Variants in ST6GALNAC1 observed in about 807,000 individuals in gnomAD.
ST6GALNAC1 encodes ST6 N-acetylgalactosaminide alpha-2,6-sialyltransferase 1.
Under a neutral mutation model 56.8 loss-of-function variants are expected in ST6GALNAC1, and 45 were observed. The ratio of observed to expected loss-of-function variants is 0.79; its 90% CI spans 0.62 to 1.02. The LOEUF (loss-of-function observed/expected upper bound fraction) is 1.02, where lower values mean the gene tolerates loss of function less well. ST6GALNAC1 is among the 50% of genes least tolerant of loss of function. ST6GALNAC1 has a pLI of 0.00. For missense variants in ST6GALNAC1, 743 were observed against 754.8 expected (o/e 0.98, Z 0.18); for synonymous variants, 295 against 297.8 (o/e 0.99, Z 0.10).
intron 1 of ST6GALNAC1, among the ~76,000 whole-genome samples, chr17:76,633,377 G>A (rs1191804317): frequency 6.6e-6 from 1 of 152,136 alleles, no homozygotes; most frequent in Non-Finnish European, 1.5e-5. Flanking sequence ...GGGCATGGTG[G>A]CACATGCCTG....
At chr17:76,634,808 C>T (rs922271407) in intron 1 of ST6GALNAC1, among the ~76,000 whole-genome samples, 5 of 151,946 alleles carry the variant, frequency 3.3e-5, no homozygotes, top group Non-Finnish European at 7.4e-5. Flanking sequence ...CGCTTGAACT[C>T]GGGAGGCAGA....
chr17:76,632,017 G>A (rs2075908899), intron 1 of ST6GALNAC1, among the ~76,000 whole-genome samples: 1 of 152,046 alleles, frequency 6.6e-6, no homozygotes, highest in South Asian at 2.1e-4. Flanking sequence ...TGTGTGTGAG[G>A]CTCACCACTC....
At position 76,627,263 on chromosome 17, in the gene ST6GALNAC1, A is replaced by C; in HGVS notation, c.1001-25T>G. The C allele has an allele frequency of 1.3e-6, 2 of 1,552,336 alleles. No homozygotes were observed. The highest frequency in any genetic ancestry group is 2.5e-5 in the South Asian group (2 of 81,006). ...ACTGGAACAAGAGTGGGGGTGCTCC[A>C]TTCAGAGCCCTGGGAGGGACAGGAG... On this transcript the variant is annotated intron_variant, in intron 3 of 8. Transcript: ENST00000156626. This position sits in a 1 kb window ranked among gnomAD's most constrained non-coding sequence, Gnocchi z 4.4.
chr17:76,626,545 C>A, intron 5 of ST6GALNAC1, 106 bp downstream of exon 5: 4 of 1,542,490 alleles, frequency 2.6e-6, no homozygotes, highest in Middle Eastern at 2.3e-4. Context: ...GGAGCCTGTA[C>A]CAACCACAGA....
downstream of ST6GALNAC1, among the ~76,000 whole-genome samples, chr17:76,623,723 T>C (rs2075762051): frequency 6.6e-6 from 1 of 152,250 alleles, no homozygotes; most frequent in Non-Finnish European, 1.5e-5. Context: ...CCAATCCTTA[T>C]GCCTCTAATT....
chr17:76,630,448 T>G (rs2075875492), intron 1 of ST6GALNAC1, among the ~76,000 whole-genome samples: 1 of 152,144 alleles, frequency 6.6e-6, no homozygotes, highest in Non-Finnish European at 1.5e-5. Context: ...AACACATTTA[T>G]TCAGGGTCTC....
Position 76,627,483 on chromosome 17 carries a change from T to C in ST6GALNAC1, c.932A>G (p.Asn311Ser). ...LTLFLDSRHFNQSEWDRLEHF... is the reference protein window; with the variant it reads ...LTLFLDSRHFSQSEWDRLEHF... ...TTCCAGGCGGTCCCACTCACTCTGG[T>C]TGAAGTGTCTGGAGTCCAGGAAGAG... is the stretch of plus-strand genomic sequence containing the variant. Residue 311 changes from asparagine to serine, a missense_variant, in exon 3 of 9, where the codon AAC (asparagine) becomes AGC (serine). Physicochemically the swap from Asn to Ser is conservative, Grantham distance 46 (BLOSUM62 1). Coordinates refer to ENST00000156626, the MANE Select transcript of ST6GALNAC1 (RefSeq NM_018414.5). The surrounding 1 kb of genome is among the most constrained non-coding windows in gnomAD (Gnocchi z 4.4). 3.1e-6 allele frequency: 5 copies of C among 1,614,110 alleles called. No individual in the cohort carries two copies. The highest frequency in any genetic ancestry group is 4.2e-6 in the Non-Finnish European group (5 of 1,180,010).
chr17:76,619,584 A>G, the ST6GALNAC1 span, among the ~76,000 whole-genome samples: 22 of 152,184 alleles, frequency 1.4e-4, no homozygotes, highest in African/African-American at 5.3e-4. Flanking sequence ...ATTCATTGAA[A>G]GTGGCTTCAG....
intron 1 of ST6GALNAC1, among the ~76,000 whole-genome samples, chr17:76,641,437 AT>A (rs2143495294): frequency 6.6e-6 from 1 of 152,354 alleles, no homozygotes; most frequent in African/African-American, 2.4e-5. Context: ...TATGAAAAAA[AT>A]AATAAAAAGG....
intron 1 of ST6GALNAC1, among the ~76,000 whole-genome samples, chr17:76,641,537 A>C (rs1209899787): frequency 6.6e-6 from 1 of 152,202 alleles, no homozygotes; most frequent in African/African-American, 2.4e-5. Context: ...TGAGAAATGC[A>C]AATTAAAAAG....
At chr17:76,626,207 G>C in intron 6 of ST6GALNAC1, 82 bp downstream of exon 6, 1 of 1,544,380 alleles carries the variant, frequency 6.5e-7, no homozygotes, top group Non-Finnish European at 8.9e-7. Context: ...AGCTAAGGCT[G>C]TCCCCACCTG....
In ST6GALNAC1 at chr17:76,626,077, AG is replaced by A; in HGVS notation, c.1433del (p.Ala478ValfsTer22). On this transcript the variant is annotated frameshift_variant, in exon 7 of 9. Coordinates refer to ENST00000156626, the MANE Select transcript of ST6GALNAC1 (RefSeq NM_018414.5). LOFTEE classifies it high-confidence loss of function. ...LFWFRHRPQE[A>X]FREALHMDRY... The stretch of plus-strand genomic sequence containing the variant: ...TGTCCATGTGCAGGGCTTCCCGAAA[AG>A]CTTCCTGGGGTCTGTGCCTGTGGTT... 3 of 1,614,088 alleles carry A rather than the reference AG, an allele frequency of 1.9e-6. No homozygotes were observed. In the South Asian group the frequency reaches 3.3e-5, roughly 18 times the overall value.
chr17:76,619,419 A>T, the ST6GALNAC1 span, among the ~76,000 whole-genome samples: 1 of 152,218 alleles, frequency 6.6e-6, no homozygotes, highest in African/African-American at 2.4e-5. Flanking sequence ...ATCTAAAACC[A>T]CAAGTTCATA....
Position 76,629,459 on chromosome 17 carries a change from T to C in ST6GALNAC1, c.384A>G (p.Glu128=). ...TAQRAAWKSP[E]KEKTMVNTLS... Reference sequence around the variant, plus strand: ...GTGTGTTCACCATGGTTTTCTCTTTTTCTGGGCTCTTCCATGCTGCCCTCT... The same window carrying C: ...GTGTGTTCACCATGGTTTTCTCTTTCTCTGGGCTCTTCCATGCTGCCCTCT... The change falls in exon 2 of 9, where the codon GAA becomes GAG. Residue 128 remains glutamate (E), a synonymous_variant. Coordinates refer to ENST00000156626, the MANE Select transcript of ST6GALNAC1 (RefSeq NM_018414.5). The C allele has an allele frequency of 6.2e-7, 1 of 1,614,136 alleles. No individual in the cohort carries two copies. The highest frequency in any genetic ancestry group is 2.2e-5 in the East Asian group (1 of 44,856).
chr17:76,620,581 CT>C (rs557882355), downstream of ST6GALNAC1, among the ~76,000 whole-genome samples: 122 of 142,446 alleles, frequency 8.6e-4, no homozygotes, highest in Admixed American at 9.1e-4. Flanking sequence ...CTTTGTGTTC[CT>C]TTTTTTTTTT....
At chr17:76,619,351 A>C in the ST6GALNAC1 span, among the ~76,000 whole-genome samples, 425 of 152,284 alleles carry the variant, frequency 2.8e-3, 2 homozygotes, top group African/African-American at 9.8e-3. Flanking sequence ...TAGGGAATGT[A>C]TGTATACGTG....
At chr17:76,633,977 A>G (rs2075942698) in intron 1 of ST6GALNAC1, among the ~76,000 whole-genome samples, 1 of 152,224 alleles carries the variant, frequency 6.6e-6, no homozygotes, top group Non-Finnish European at 1.5e-5. Context: ...CTGAATTTTG[A>G]AAAAATACCC....
At position 76,627,589 on chromosome 17, in the gene ST6GALNAC1, T is replaced by C. The variant is rs114992721; in HGVS notation, c.832-6A>G. The C allele has an allele frequency of 8.3e-4, 1,344 of 1,613,470 alleles. 2 individuals are homozygous for C. In the African/African-American group the frequency reaches 0.013, roughly 15 times the overall value. ...TTCACAGAGTCAGGGCAAGTCTATA[T>C]ACAGGAGGACGAAGTCAGGAAGGGA... On this transcript the variant is annotated splice_region_variant and splice_polypyrimidine_tract_variant and intron_variant, in intron 2 of 8. Transcript: ENST00000156626. The surrounding 1 kb of genome is among the most constrained non-coding windows in gnomAD (Gnocchi z 4.4).
intron 1 of ST6GALNAC1, among the ~76,000 whole-genome samples, chr17:76,642,989 G>A (rs930262385): frequency 6.6e-6 from 1 of 151,938 alleles, no homozygotes; most frequent in African/African-American, 2.4e-5. Context: ...AAGAAAAATG[G>A]TCTAGAAGGT....
Sources: gnomAD v4.1 joint callset for allele counts (sites outside exome capture counted in the v4.1 genomes callset) on GRCh38, gnomAD v4.1.1 for gene constraint, Gnocchi (gnomAD v3.1) non-coding constraint, MANE v1.5 for transcripts, NCBI Gene and HGNC (gene_info 2026-07-23, HGNC 2026-07-21) for gene names.